The following DIP2C variants were observed in gnomAD, a reference collection of about 807,000 sequenced individuals.
DIP2C encodes disco-interacting protein 2 homolog C.
A neutral mutation model predicts 192.4 loss-of-function variants in DIP2C; 33 were observed. The ratio of observed to expected loss-of-function variants is 0.17; its 90% CI spans 0.13 to 0.23. The LOEUF (loss-of-function observed/expected upper bound fraction) is 0.23. DIP2C is among the 10% of genes least tolerant of loss of function. The pLI is 1.00. For synonymous variants in DIP2C, 979 were observed against 864.1 expected, an observed-to-expected ratio of 1.13 and a Z score of -2.33; for missense variants, 1,537 against 2,110.1, an observed-to-expected ratio of 0.73 and a Z score of 5.32.
chr10:451,178 A>G (rs7910886), intron 3 of DIP2C, among the ~76,000 whole-genome samples: 24,366 of 152,188 alleles, frequency 0.16, 5,047 homozygotes, highest in African/African-American at 0.48. Context: ...TACACCTGGT[A>G]TAGAAAGCTC....
chr10:617,159 T>TA (rs1853523448), intron 1 of DIP2C, among the ~76,000 whole-genome samples: 1 of 148,264 alleles, frequency 6.7e-6, no homozygotes, highest in African/African-American at 2.4e-5. Flanking sequence ...CCGCCTGACT[T>TA]ATTTCCTGCC....
At chr10:543,777 C>T (rs1448500342) in intron 1 of DIP2C, among the ~76,000 whole-genome samples, 1 of 152,188 alleles carries the variant, frequency 6.6e-6, no homozygotes, top group Non-Finnish European at 1.5e-5. Flanking sequence ...CCATAAAATC[C>T]CCCATATTAA....
At chr10:605,115 G>C (rs1852371743) in intron 1 of DIP2C, among the ~76,000 whole-genome samples, 2 of 152,232 alleles carry the variant, frequency 1.3e-5, no homozygotes, top group Non-Finnish European at 2.9e-5. Flanking sequence ...TCGGCTCCCA[G>C]CTGCCGCGAT....
At chr10:650,569 G>A in intron 1 of DIP2C, 1 of 634,304 alleles carries the variant, frequency 1.6e-6, no homozygotes, top group South Asian at 1.8e-5. Flanking sequence ...TGCAGAGCCA[G>A]GAGGGACGTG....
rs1201811117 is a variant in DIP2C, at chr10:276,926, C to T, written c.*399G>A. 1 of 174,476 alleles carries T rather than the reference C, an allele frequency of 5.7e-6. No individual in the cohort carries two copies. Among genetic ancestry groups the T allele is most frequent in the African/African-American group, 2.4e-5 (1 of 41,848 alleles). 10.8% of individuals were successfully genotyped at this position (174,476 alleles called of 1,614,324 possible). A position where few individuals can be genotyped will look rare whatever the true frequency, so the allele number is the denominator to read the frequency against. ...TAAAACAGAGAAAACAATTCTTTGT[C>T]ACACTACATAAATTGTTTAAAAGAA... On this transcript the variant is annotated 3_prime_UTR_variant, in exon 37 of 37. Coordinates refer to ENST00000280886, the MANE Select transcript of DIP2C (RefSeq NM_014974.3).
chr10:472,077 A>G (rs1189776781), intron 3 of DIP2C, among the ~76,000 whole-genome samples: 2 of 152,236 alleles, frequency 1.3e-5, no homozygotes, highest in Non-Finnish European at 2.9e-5. Context: ...TCTGTTTAGA[A>G]AAGTAGACCT....
intron 1 of DIP2C, among the ~76,000 whole-genome samples, chr10:564,133 A>C (rs1849346298): frequency 1.3e-5 from 2 of 152,188 alleles, no homozygotes; most frequent in African/African-American, 4.8e-5. Context: ...GCAAATTCTC[A>C]GACCCTGTGA....
At chr10:401,409 A>G (rs1180646745) in intron 9 of DIP2C, among the ~76,000 whole-genome samples, 5 of 151,570 alleles carry the variant, frequency 3.3e-5, no homozygotes, top group East Asian at 1.9e-4. Context: ...TCATCAGCAC[A>G]TGAATCCTGT....
At chr10:558,912 C>G (rs947094711) in intron 1 of DIP2C, among the ~76,000 whole-genome samples, 1 of 152,058 alleles carries the variant, frequency 6.6e-6, no homozygotes, top group African/African-American at 2.4e-5. Context: ...ACCCCAGACA[C>G]CACGGACCAC....
Position 418,995 on chromosome 10 carries a change from A to G in DIP2C, c.739+70T>C, listed in dbSNP as rs1033890618. The G allele has an allele frequency of 2.8e-5, 44 of 1,599,278 alleles. No homozygotes were observed. The African/African-American group carries it at 5.4e-4, about 19-fold the overall frequency. On this transcript the variant is annotated intron_variant, in intron 6 of 36. Coordinates refer to ENST00000280886, the MANE Select transcript of DIP2C (RefSeq NM_014974.3). ...ACCCCAGGAAGAAACACATCCAGTC[A>G]TGGGCACGGAACGGGACGTCAGCAC...
intron 17 of DIP2C, among the ~76,000 whole-genome samples, chr10:378,714 C>A (rs60397904): frequency 6.6e-6 from 1 of 150,872 alleles, no homozygotes; most frequent in African/African-American, 2.5e-5. Flanking sequence ...CAGATATGCA[C>A]AGACACGTGA....
chr10:370,494 C>A (rs1960831415), intron 17 of DIP2C, among the ~76,000 whole-genome samples: 1 of 152,226 alleles, frequency 6.6e-6, no homozygotes, highest in Non-Finnish European at 1.5e-5. Context: ...ACAGCACACA[C>A]CTCTGACTAC....
At chr10:565,675 G>GTAT (rs1045134600) in intron 1 of DIP2C, among the ~76,000 whole-genome samples, 5 of 152,158 alleles carry the variant, frequency 3.3e-5, no homozygotes, top group Admixed American at 2.6e-4. Context: ...ATTTTTAAAG[G>GTAT]TATATCATCA....
chr10:651,226 A>C lies in DIP2C; in HGVS notation c.85+38268T>G. ...CAGACCCTGTCCTCACCTGCATCAC[A>C]CCAATGATGGCGTCACAGCGTGGGT... On this transcript the variant is annotated intron_variant, in intron 1 of 36. Coordinates refer to ENST00000280886, the MANE Select transcript of DIP2C (RefSeq NM_014974.3). This position sits in a 1 kb window ranked among gnomAD's most constrained non-coding sequence, Gnocchi z 4.1. 1.4e-6 allele frequency: 1 copy of C among 716,864 alleles called. No homozygotes were observed. The allele number at this position is 716,864 out of a possible 1,614,324, so 44.4% of individuals were successfully genotyped here. A position where few individuals can be genotyped will look rare whatever the true frequency, so the allele number is the denominator to read the frequency against.
At chr10:581,208 T>C (rs1850630993) in intron 1 of DIP2C, among the ~76,000 whole-genome samples, 1 of 152,296 alleles carries the variant, frequency 6.6e-6, no homozygotes, top group East Asian at 1.9e-4. Flanking sequence ...CTAGTCTACT[T>C]GTTTCCCTTT....
In DIP2C at chr10:313,712, G is replaced by A. The variant is rs192460016; in HGVS notation, c.3925-3620C>T. Among the ~76,000 whole-genome samples, 576 of 152,258 alleles carry A rather than the reference G, an allele frequency of 3.8e-3. 3 individuals are homozygous for A. Among genetic ancestry groups the A allele is most frequent in the African/African-American group, 0.013 (556 of 41,534 alleles). On this transcript the variant is annotated intron_variant, in intron 31 of 36. Coordinates refer to ENST00000280886, the MANE Select transcript of DIP2C (RefSeq NM_014974.3). ...TCTGGAAACCTGTCCCCCATTGAGGGACAAATGTATATACCAAAAAATAAC... is the reference window on the plus strand; with the variant it reads ...TCTGGAAACCTGTCCCCCATTGAGGAACAAATGTATATACCAAAAAATAAC...
At chr10:330,640 C>A (rs1054481748) in intron 29 of DIP2C, among the ~76,000 whole-genome samples, 1 of 142,348 alleles carries the variant, frequency 7.0e-6, no homozygotes, top group Admixed American at 7.2e-5. Context: ...AGGTGTGCAC[C>A]ACCATGCTTG....
intron 2 of DIP2C, among the ~76,000 whole-genome samples, chr10:480,566 T>C (rs1378525551): frequency 1.3e-5 from 2 of 152,260 alleles, no homozygotes; most frequent in Non-Finnish European, 2.9e-5. Flanking sequence ...TTCTGCACTT[T>C]GCTTACACCT....
At chr10:580,371 T>A (rs182377014) in intron 1 of DIP2C, among the ~76,000 whole-genome samples, 1 of 152,152 alleles carries the variant, frequency 6.6e-6, no homozygotes, top group South Asian at 2.1e-4. Context: ...TGTGCACACA[T>A]GTATATATAT....
Sources: allele counts gnomAD v4.1 joint callset (sites outside exome capture counted in the v4.1 genomes callset), GRCh38; gene constraint gnomAD v4.1.1; non-coding constraint Gnocchi (gnomAD v3.1); transcripts MANE v1.5; gene names NCBI Gene and HGNC (gene_info 2026-07-23, HGNC 2026-07-21).